Variants in COG5 observed in about 807,000 individuals in gnomAD.
The protein encoded by COG5 is conserved oligomeric Golgi complex subunit 5.
A neutral mutation model predicts 110.4 loss-of-function variants in COG5; 86 were observed. The ratio of observed to expected loss-of-function variants is 0.78; its 90% CI spans 0.65 to 0.93. COG5 has a LOEUF of 0.93. Ranked by LOEUF, COG5 falls within the 40% of genes least tolerant of loss-of-function variation. The pLI is 0.00. For missense variants in COG5, 1,077 were observed against 987.0 expected, an observed-to-expected ratio of 1.09 and a Z score of -1.22; for synonymous variants, 360 against 334.6, an observed-to-expected ratio of 1.08 and a Z score of -0.83.
chr7:107,473,148 T>C (rs1174612679), intron 6 of COG5: 1 of 151,904 alleles, frequency 6.6e-6, no homozygotes, highest in Non-Finnish European at 1.5e-5. Flanking sequence ...TAAAATTTCA[T>C]CTTTTACTTT....
chr7:107,234,676 G>A (rs1176023970), intron 18 of COG5, among the ~76,000 whole-genome samples: 1 of 152,142 alleles, frequency 6.6e-6, no homozygotes, highest in Non-Finnish European at 1.5e-5. Context: ...AAATAAGCTG[G>A]TAGGGGAGAG....
intron 12 of COG5, among the ~76,000 whole-genome samples, chr7:107,294,700 C>T (rs1806452064): frequency 7.1e-6 from 1 of 140,190 alleles, no homozygotes; most frequent in African/African-American, 2.7e-5. Context: ...ACCTCCTCAT[C>T]TTAATTTTCT....
At chr7:107,392,326 G>A (rs1790678902) in intron 7 of COG5, among the ~76,000 whole-genome samples, 2 of 152,022 alleles carry the variant, frequency 1.3e-5, no homozygotes, top group Non-Finnish European at 2.9e-5. Context: ...ATTATGTTAG[G>A]TGTTTTACAT....
At chr7:107,553,524 C>T (rs1803079204) in intron 3 of COG5, among the ~76,000 whole-genome samples, 1 of 152,024 alleles carries the variant, frequency 6.6e-6, no homozygotes, top group Non-Finnish European at 1.5e-5. Context: ...ATTTGATCAA[C>T]ATCGAGAAAA....
intron 2 of COG5, among the ~76,000 whole-genome samples, chr7:107,556,833 C>T (rs1803360004): frequency 6.6e-6 from 1 of 151,760 alleles, no homozygotes; most frequent in Admixed American, 6.6e-5. Context: ...TGCAATGGCA[C>T]GATCTCGGCT....
chr7:107,367,941 A>C (rs2129048437), intron 8 of COG5, among the ~76,000 whole-genome samples: 1 of 152,274 alleles, frequency 6.6e-6, no homozygotes, highest in Middle Eastern at 3.4e-3. Flanking sequence ...AAAAAGAGAA[A>C]AGAAATGCAG....
At chr7:107,389,894 C>A (rs1236714904) in intron 7 of COG5, among the ~76,000 whole-genome samples, 1 of 152,112 alleles carries the variant, frequency 6.6e-6, no homozygotes, top group Non-Finnish European at 1.5e-5. Context: ...TATACTATAA[C>A]CTTTATTCAC....
chr7:107,488,530 A>C (rs2129126334), intron 6 of COG5, among the ~76,000 whole-genome samples: 1 of 152,272 alleles, frequency 6.6e-6, no homozygotes, highest in African/African-American at 2.4e-5. Flanking sequence ...TATAATAATT[A>C]TCAATTATTT....
At chr7:107,226,510 C>T (rs925302155) in intron 19 of COG5, among the ~76,000 whole-genome samples, 1 of 152,156 alleles carries the variant, frequency 6.6e-6, no homozygotes, top group Non-Finnish European at 1.5e-5. Flanking sequence ...CTGATTTACT[C>T]CTCTCTAGGA....
intron 11 of COG5, among the ~76,000 whole-genome samples, chr7:107,299,873 A>AACATATAT (rs374028513): frequency 2.4e-5 from 3 of 124,454 alleles, no homozygotes; most frequent in Non-Finnish European, 5.1e-5. Context: ...AATTATCTGG[A>AACATATAT]ATATATATAT....
chr7:107,207,954 A>G (rs965195873), intron 21 of COG5: 2 of 985,458 alleles, frequency 2.0e-6, no homozygotes, highest in Non-Finnish European at 2.4e-6. Flanking sequence ...GAATGAGTAT[A>G]CAACAAGGTT....
rs567662239 is a variant in COG5, at chr7:107,556,896, G to C, written c.234+1080C>G. 5.3e-5 allele frequency among the ~76,000 whole-genome samples: 8 copies of C among 151,574 alleles called. No individual in the cohort carries two copies. In the East Asian group the frequency reaches 1.4e-3, roughly 26 times the overall value. ...AGTGATTCTCCTGCCTCAGCCTCCCGAGTAGCTGGGATTACAGGCGCCCAC... is the reference window on the plus strand; with the variant it reads ...AGTGATTCTCCTGCCTCAGCCTCCCCAGTAGCTGGGATTACAGGCGCCCAC... On this transcript the variant is annotated intron_variant, in intron 2 of 21. Transcript: ENST00000297135.
chr7:107,556,253 C>T (rs1019163352), intron 2 of COG5, among the ~76,000 whole-genome samples: 1 of 152,172 alleles, frequency 6.6e-6, no homozygotes, highest in African/African-American at 2.4e-5. Context: ...ATTCACCCAA[C>T]AATTTTATAA....
At chr7:107,432,514 C>G (rs1232552624) in intron 6 of COG5, among the ~76,000 whole-genome samples, 1 of 152,046 alleles carries the variant, frequency 6.6e-6, no homozygotes, top group Non-Finnish European at 1.5e-5. Flanking sequence ...AAGTACAGAC[C>G]ACAGGAAAAT....
rs1003116079 is a variant in COG5 at position 107,311,538 on chromosome 7, C to T, written c.1108+12902G>A. ...CCTCCCGAGTAGCTGGGACTACAGG[C>T]GCCCGCCACCGCGCCCGGCTAATTT... On this transcript the variant is annotated intron_variant, in intron 11 of 21. Coordinates refer to ENST00000297135, the MANE Select transcript of COG5 (RefSeq NM_006348.5). Among the ~76,000 whole-genome samples, 28 of 150,022 alleles carry T rather than the reference C, an allele frequency of 1.9e-4. 1 individual carries two copies. Among genetic ancestry groups the T allele is most frequent in the East Asian group, 5.9e-4 (3 of 5,120 alleles).
chr7:107,510,536 C>A (rs994594740), intron 6 of COG5, among the ~76,000 whole-genome samples: 1 of 152,182 alleles, frequency 6.6e-6, no homozygotes, highest in Non-Finnish European at 1.5e-5. Flanking sequence ...CTCAGCTCTG[C>A]ACCAAGCGGA....
chr7:107,408,275 T>C (rs536819058), intron 7 of COG5, among the ~76,000 whole-genome samples: 1 of 152,372 alleles, frequency 6.6e-6, no homozygotes, highest in Admixed American at 6.5e-5. Flanking sequence ...AAATGGCCTA[T>C]AAAATCTAAA....
At chr7:107,319,475 G>C (rs1289468058) in intron 11 of COG5, among the ~76,000 whole-genome samples, 1 of 152,018 alleles carries the variant, frequency 6.6e-6, no homozygotes, top group Non-Finnish European at 1.5e-5. Context: ...CCATTTTTTT[G>C]TGTGTGCAGC....
intron 14 of COG5, among the ~76,000 whole-genome samples, chr7:107,261,672 C>G (rs1372234171): frequency 6.6e-6 from 1 of 151,938 alleles, no homozygotes; most frequent in Non-Finnish European, 1.5e-5. Flanking sequence ...ATTCCTTGTC[C>G]TCTTCTCCTT....
Sources: allele counts gnomAD v4.1 joint callset (sites outside exome capture counted in the v4.1 genomes callset), GRCh38; gene constraint gnomAD v4.1.1; transcripts MANE v1.5; gene names NCBI Gene and HGNC (gene_info 2026-07-23, HGNC 2026-07-21).